Variants in PRORP observed in about 807,000 individuals in gnomAD.
The protein encoded by PRORP is protein only RNase P catalytic subunit.
A neutral mutation model predicts 59.4 loss-of-function variants in PRORP; 51 were observed. The observed-to-expected ratio is 0.86, with a 90% confidence interval of 0.69 to 1.08. PRORP has a LOEUF of 1.08. PRORP is among the 50% of genes least tolerant of loss of function. The pLI is 0.00. For missense variants in PRORP, 646 were observed against 690.3 expected, an observed-to-expected ratio of 0.94 and a Z score of 0.72; for synonymous variants, 231 against 245.6, an observed-to-expected ratio of 0.94 and a Z score of 0.55.
At chr14:35,245,360 T>C (rs1003093597) in intron 5 of PRORP, among the ~76,000 whole-genome samples, 2 of 152,154 alleles carry the variant, frequency 1.3e-5, no homozygotes, top group African/African-American at 4.8e-5. Context: ...AAAAGGATGG[T>C]GGCCATGCAC....
At chr14:35,238,930 G>A (rs2050289112) in intron 5 of PRORP, among the ~76,000 whole-genome samples, 1 of 152,104 alleles carries the variant, frequency 6.6e-6, no homozygotes, top group South Asian at 2.1e-4. Flanking sequence ...AGCTTATAGA[G>A]TCCTTTCATT....
upstream of PRORP, chr14:35,122,085 GA>G: frequency 2.1e-6 from 2 of 959,658 alleles, no homozygotes; most frequent in Non-Finnish European, 3.2e-6. Flanking sequence ...CATCTTGATC[GA>G]GGGCGGAAGT....
intron 4 of PRORP, among the ~76,000 whole-genome samples, chr14:35,175,185 C>T (rs1170162250): frequency 1.3e-5 from 2 of 151,948 alleles, no homozygotes; most frequent in African/African-American, 2.4e-5. Flanking sequence ...CTATTGTGAA[C>T]AGTGCCGCAA....
intron 5 of PRORP, among the ~76,000 whole-genome samples, chr14:35,223,529 G>A (rs576176097): frequency 4.1e-5 from 6 of 147,196 alleles, no homozygotes; most frequent in East Asian, 2.0e-4. Flanking sequence ...GTGTGATCTC[G>A]GCTCACTGCA....
intron 4 of PRORP, among the ~76,000 whole-genome samples, chr14:35,172,413 TTTCCTTCCTTCCTTCCTTCC>T (rs71121269): frequency 2.6e-5 from 2 of 77,548 alleles, no homozygotes; most frequent in Non-Finnish European, 5.2e-5. Flanking sequence ...GGTTTCTTTC[TTTCCTTCCTTCCTTCCTTCC>T]TTCCTTCCTT....
chr14:35,123,913 C>G lies in PRORP; in HGVS notation c.668C>G (p.Ser223Ter). ...CTTCTCATCCGGGGATTGATCCATT[C>G]AGACAGATGGAGAGAAGCATTGTTG... The part of the protein sequence containing the change: ...YSLLIRGLIH[S>*]DRWREALLLL... The change falls in exon 2 of 8, where the codon TCA becomes TGA. Residue 223 changes from serine (S) to a stop codon, truncating the protein, a stop_gained. Transcript: ENST00000534898. LOFTEE classifies it high-confidence loss of function. The G allele has an allele frequency of 6.2e-7, 1 of 1,614,044 alleles. No individual in the cohort carries two copies. The highest frequency in any genetic ancestry group is 8.5e-7 in the Non-Finnish European group (1 of 1,179,944).
intron 3 of PRORP, among the ~76,000 whole-genome samples, chr14:35,127,067 ATG>A (rs1339905774): frequency 6.6e-6 from 1 of 152,194 alleles, no homozygotes; most frequent in Non-Finnish European, 1.5e-5. Flanking sequence ...ATTCACCAAT[ATG>A]ATATTCCAGA....
At position 35,265,844 on chromosome 14, in the gene PRORP, A is replaced by G. The variant is rs146982880; in HGVS notation, c.1276-883A>G. Among the ~76,000 whole-genome samples, 28 of 152,170 alleles carry G rather than the reference A, an allele frequency of 1.8e-4. No individual in the cohort carries two copies. The South Asian group carries it at 3.5e-3, about 19-fold the overall frequency. Reference sequence around the variant, plus strand: ...AATCCCATCCCTCTTGAGCCTCTCTATCTCTATCCTAGTGGGCCCTAGAGA... The same window carrying G: ...AATCCCATCCCTCTTGAGCCTCTCTGTCTCTATCCTAGTGGGCCCTAGAGA... On this transcript the variant is annotated intron_variant, in intron 5 of 7. Coordinates refer to ENST00000534898, the MANE Select transcript of PRORP (RefSeq NM_014672.4).
In PRORP at chr14:35,262,721, C is replaced by G. The variant is rs552755854; in HGVS notation, c.1276-4006C>G. The G allele has an allele frequency of 2.8e-5, 24 of 862,260 alleles. No homozygotes were observed. In the East Asian group the frequency reaches 5.5e-4, roughly 20 times the overall value. 53.4% of individuals were successfully genotyped at this position (862,260 alleles called of 1,614,324 possible). A position where few individuals can be genotyped will look rare whatever the true frequency, so the allele number is the denominator to read the frequency against. On this transcript the variant is annotated intron_variant, in intron 5 of 7. Coordinates refer to ENST00000534898, the MANE Select transcript of PRORP (RefSeq NM_014672.4). ...TGATCAAGGGTGTTACACTGGGCTTCCATTACAGGATGAGGTCTGTGTATG... is the reference window on the plus strand; with the variant it reads ...TGATCAAGGGTGTTACACTGGGCTTGCATTACAGGATGAGGTCTGTGTATG...
chr14:35,258,330 C>T (rs1393622494), intron 5 of PRORP, among the ~76,000 whole-genome samples: 1 of 152,082 alleles, frequency 6.6e-6, no homozygotes, highest in Non-Finnish European at 1.5e-5. Flanking sequence ...GAGAATTATC[C>T]TTAATCATCT....
chr14:35,165,977 GC>G (rs201566824), intron 4 of PRORP, among the ~76,000 whole-genome samples: 2,800 of 151,984 alleles, frequency 0.018, 35 homozygotes, highest in Middle Eastern at 0.038. Context: ...AGTGTACCTG[GC>G]CAAAAAGTAG....
chr14:35,166,800 G>A (rs2048196280), intron 4 of PRORP, among the ~76,000 whole-genome samples: 1 of 152,132 alleles, frequency 6.6e-6, no homozygotes, highest in Admixed American at 6.5e-5. Flanking sequence ...ATTGGCCTGT[G>A]ATAGACTTTT....
chr14:35,191,837 T>A (rs1201311273), intron 5 of PRORP, among the ~76,000 whole-genome samples: 1 of 151,672 alleles, frequency 6.6e-6, no homozygotes, highest in East Asian at 1.9e-4. Flanking sequence ...TTCTCACTAC[T>A]CCTATATCCA....
rs567960063 is a variant in PRORP at position 35,218,896 on chromosome 14, T to C, written c.1275+38119T>C. On this transcript the variant is annotated intron_variant, in intron 5 of 7. Transcript: ENST00000534898. ...ATGTGGACGTCATGATGCTCATGCTTGTTTGTTTTAATAAGACTCTAGTAC... is the reference window on the plus strand; with the variant it reads ...ATGTGGACGTCATGATGCTCATGCTCGTTTGTTTTAATAAGACTCTAGTAC... 5 of 152,250 alleles carry C rather than the reference T, an allele frequency of 3.3e-5. No homozygotes were observed. In the East Asian group the frequency reaches 9.7e-4, roughly 29 times the overall value. 9.4% of individuals were successfully genotyped at this position (152,250 alleles called of 1,614,324 possible). A position where few individuals can be genotyped will look rare whatever the true frequency, so the allele number is the denominator to read the frequency against.
intron 5 of PRORP, among the ~76,000 whole-genome samples, chr14:35,181,371 C>A (rs1484255042): frequency 6.6e-6 from 1 of 152,126 alleles, no homozygotes; most frequent in Non-Finnish European, 1.5e-5. Flanking sequence ...TATAGTAAAT[C>A]TATAGAAAAC....
Position 35,180,743 on chromosome 14 carries a change from C to G in PRORP, c.1241C>G (p.Ala414Gly), listed in dbSNP as rs143102943. The part of the protein sequence containing the change: ...FDVVIDGLNV[A>G]KMFPKVRESQ... ...GTTGTCATTGATGGTCTCAATGTTG[C>G]CAAAATGTTTCCTAAAGTTCGTGAA... is the stretch of plus-strand genomic sequence containing the variant. Residue 414 changes from alanine (A) to glycine (G), a missense_variant, in exon 5 of 8, where the codon GCC (alanine) becomes GGC (glycine). Physicochemically the swap from Ala to Gly is moderately conservative, Grantham distance 60. Transcript: ENST00000534898. 123 of 1,611,916 alleles carry G rather than the reference C, an allele frequency of 7.6e-5. No individual in the cohort carries two copies. Among genetic ancestry groups the G allele is most frequent in the Non-Finnish European group, 1.7e-5 (20 of 1,178,646 alleles).
intron 5 of PRORP, among the ~76,000 whole-genome samples, chr14:35,206,040 C>A (rs1184193961): frequency 1.3e-5 from 2 of 152,136 alleles, no homozygotes; most frequent in African/African-American, 4.8e-5. Flanking sequence ...GAAATCGCAA[C>A]ATCCAGCATG....
At position 35,159,914 on chromosome 14, in the gene PRORP, G is replaced by A. The variant is rs144698051; in HGVS notation, c.1168-20756G>A. On this transcript the variant is annotated intron_variant, in intron 4 of 7. Transcript: ENST00000534898. ...GACTGGTGTATGTTTTCTGAGGATG[G>A]GAAATTACCTAACACTTAGCTTACT... is the stretch of plus-strand genomic sequence containing the variant. Among the ~76,000 whole-genome samples, 1,245 of 152,212 alleles carry A rather than the reference G, an allele frequency of 8.2e-3. 25 individuals are homozygous for A. Among genetic ancestry groups the A allele is most frequent in the South Asian group, 0.064 (310 of 4,814 alleles).
intron 5 of PRORP, among the ~76,000 whole-genome samples, chr14:35,207,295 CCTTA>C (rs2049319331): frequency 6.6e-6 from 1 of 152,148 alleles, no homozygotes; most frequent in Admixed American, 6.5e-5. Flanking sequence ...AATAAAAAGA[CCTTA>C]CAATTCTGCT....
Sources: allele counts gnomAD v4.1 joint callset (sites outside exome capture counted in the v4.1 genomes callset), GRCh38; gene constraint gnomAD v4.1.1; transcripts MANE v1.5; gene names NCBI Gene and HGNC (gene_info 2026-07-23, HGNC 2026-07-21).